The following MAST4 variants were observed in gnomAD, a reference collection of about 807,000 sequenced individuals.
MAST4 encodes microtubule associated serine/threonine kinase family member 4.
Under a neutral mutation model 162.7 loss-of-function variants are expected in MAST4, and 89 were observed. That is an observed-to-expected ratio of 0.55 (90% confidence interval 0.46 to 0.65). The LOEUF (loss-of-function observed/expected upper bound fraction) is 0.65, where lower values mean the gene tolerates loss of function less well. Ranked by LOEUF, MAST4 falls within the 30% of genes least tolerant of loss-of-function variation. The pLI is 0.00. For synonymous variants in MAST4, 1,479 were observed against 1,361.1 expected (o/e 1.09, Z -1.91); for missense variants, 3,153 against 3,374.0 (o/e 0.93, Z 1.62).
At chr5:66,793,224 A>G (rs1468934571) in intron 3 of MAST4, among the ~76,000 whole-genome samples, 1 of 152,222 alleles carries the variant, frequency 6.6e-6, no homozygotes, top group Non-Finnish European at 1.5e-5. Flanking sequence ...CACATTGGGC[A>G]TTTCAGATAA....
chr5:66,780,616 G>C (rs895028046), intron 2 of MAST4, among the ~76,000 whole-genome samples: 3 of 152,166 alleles, frequency 2.0e-5, no homozygotes, highest in Non-Finnish European at 4.4e-5. Flanking sequence ...GTGTGAAAAG[G>C]GACCCAAGCA....
At chr5:66,668,333 T>A (rs1424337867) in intron 1 of MAST4, among the ~76,000 whole-genome samples, 1 of 152,230 alleles carries the variant, frequency 6.6e-6, no homozygotes, top group Non-Finnish European at 1.5e-5. Flanking sequence ...TTAATTACTT[T>A]CTTTGACTTT....
intron 14 of MAST4, among the ~76,000 whole-genome samples, chr5:67,124,470 A>G (rs1200972197): frequency 1.3e-5 from 2 of 152,140 alleles, no homozygotes; most frequent in Non-Finnish European, 2.9e-5. Context: ...ACATCAACTT[A>G]AAAGAGAAAA....
chr5:67,004,717 G>A (rs1206351628), intron 4 of MAST4: 3 of 387,162 alleles, frequency 7.7e-6, no homozygotes, highest in South Asian at 5.9e-5. Context: ...AGCTGGCCGA[G>A]CCTGACTAGG....
chr5:66,918,162 T>C (rs969015613), intron 4 of MAST4, among the ~76,000 whole-genome samples: 4 of 152,168 alleles, frequency 2.6e-5, no homozygotes, highest in African/African-American at 9.6e-5. Context: ...GCCATGACTT[T>C]TTAATTATCT....
At chr5:66,833,414 C>CT in intron 3 of MAST4, among the ~76,000 whole-genome samples, 1 of 152,316 alleles carries the variant, frequency 6.6e-6, no homozygotes, top group South Asian at 2.1e-4. Context: ...ATTCATCCTG[C>CT]TTTTTAGCCC....
chr5:66,711,068 A>G (rs1483728756), intron 1 of MAST4, among the ~76,000 whole-genome samples: 1 of 152,162 alleles, frequency 6.6e-6, no homozygotes, highest in African/African-American at 2.4e-5. Flanking sequence ...CTACTCTTTG[A>G]ACTCTATATA....
intron 3 of MAST4, among the ~76,000 whole-genome samples, chr5:66,847,038 G>A (rs1717443186): frequency 6.6e-6 from 1 of 151,996 alleles, no homozygotes; most frequent in African/African-American, 2.4e-5. Context: ...TTTCTTAGTG[G>A]ACATTAATTA....
At chr5:66,646,735 C>T (rs1443987334) in intron 1 of MAST4, among the ~76,000 whole-genome samples, 1 of 152,106 alleles carries the variant, frequency 6.6e-6, no homozygotes, top group Non-Finnish European at 1.5e-5. Context: ...GTGTCAAGAG[C>T]ACTTTATGAA....
chr5:67,093,846 T>C (rs927260676), intron 6 of MAST4, among the ~76,000 whole-genome samples: 4 of 152,234 alleles, frequency 2.6e-5, no homozygotes, highest in Non-Finnish European at 4.4e-5. Flanking sequence ...TCTTTTAAAA[T>C]CATATCCTTT....
intron 4 of MAST4, 118 bp from the exon 5 acceptor site, chr5:67,054,286 T>G (rs1465961255): frequency 1.4e-6 from 1 of 719,798 alleles, no homozygotes; most frequent in African/African-American, 1.8e-5. Context: ...TTGTAATAAT[T>G]TTAACAATAA....
intron 4 of MAST4, among the ~76,000 whole-genome samples, chr5:66,987,262 A>T (rs1384965194): frequency 2.0e-5 from 3 of 152,292 alleles, no homozygotes; most frequent in Admixed American, 6.5e-5. Flanking sequence ...AAGGAGTCAC[A>T]CTTTTACAGT....
At chr5:66,897,060 A>C (rs561093579) in intron 3 of MAST4, among the ~76,000 whole-genome samples, 1 of 152,364 alleles carries the variant, frequency 6.6e-6, no homozygotes, top group Admixed American at 6.5e-5. Context: ...TGAGTCATCA[A>C]TATCAATGAA....
chr5:66,907,187 GAGAGAGAGAGAGAGAGAGA>G (rs1763418342), intron 4 of MAST4, among the ~76,000 whole-genome samples: 1 of 148,100 alleles, frequency 6.8e-6, no homozygotes, highest in Admixed American at 6.7e-5. Flanking sequence ...GAGAGAGAGA[GAGAGAGAGAGAGAGAGAGA>G]GTCCTGCTAG....
At chr5:66,910,424 C>G (rs1014806705) in intron 4 of MAST4, among the ~76,000 whole-genome samples, 11 of 152,150 alleles carry the variant, frequency 7.2e-5, no homozygotes, top group African/African-American at 2.7e-4. Flanking sequence ...ATTGTTCTCT[C>G]TTTACCCGGG....
rs201267134 is a variant in MAST4 at position 67,142,109 on chromosome 5, T to C, written c.2495-6T>C. On this transcript the variant is annotated splice_region_variant and splice_polypyrimidine_tract_variant and intron_variant, in intron 19 of 28. Transcript: ENST00000403625. ...TTCCTCTCTGTCTCTACCTGCCCCC[T>C]TCCAGGTGGTGCATATGAAGTCAAA... 100 of 1,613,460 alleles carry C rather than the reference T, an allele frequency of 6.2e-5. No individual in the cohort carries two copies. The East Asian group carries it at 2.0e-3, about 32-fold the overall frequency.
intron 4 of MAST4, among the ~76,000 whole-genome samples, chr5:66,907,117 G>T (rs933994551): frequency 6.7e-6 from 1 of 148,982 alleles, no homozygotes; most frequent in East Asian, 2.0e-4. Context: ...TGGGGAAAAT[G>T]GAATTTACTT....
At chr5:66,805,183 C>T (rs893303074) in intron 3 of MAST4, among the ~76,000 whole-genome samples, 2 of 152,208 alleles carry the variant, frequency 1.3e-5, no homozygotes, top group Non-Finnish European at 2.9e-5. Context: ...GGTTCATCTT[C>T]TTCCTCTTTT....
At chr5:67,049,071 A>ATATG (rs1757847203) in intron 4 of MAST4, among the ~76,000 whole-genome samples, 2 of 143,400 alleles carry the variant, frequency 1.4e-5, no homozygotes, top group Non-Finnish European at 3.0e-5. Context: ...GTATATATAT[A>ATATG]TATATATACA....
Sources: allele counts gnomAD v4.1 joint callset (sites outside exome capture counted in the v4.1 genomes callset), GRCh38; gene constraint gnomAD v4.1.1; transcripts MANE v1.5; gene names NCBI Gene and HGNC (gene_info 2026-07-23, HGNC 2026-07-21).